The following CEP350 variants were observed in gnomAD, a reference collection of about 807,000 sequenced individuals.
CEP350 encodes centrosomal protein 350.
CEP350 carries 126 observed loss-of-function variants against 331.8 expected under a neutral mutation model. The ratio of observed to expected loss-of-function variants is 0.38; its 90% CI spans 0.33 to 0.44. The LOEUF (loss-of-function observed/expected upper bound fraction) is 0.44. Ranked by LOEUF, CEP350 falls within the 20% of genes least tolerant of loss-of-function variation. CEP350 has a pLI of 1.00. For missense variants in CEP350, 3,406 were observed against 3,634.6 expected, an observed-to-expected ratio of 0.94 and a Z score of 1.62; for synonymous variants, 1,200 against 1,259.5, an observed-to-expected ratio of 0.95 and a Z score of 1.00.
chr1:180,094,321 A>G lies in CEP350; in HGVS notation c.8216A>G (p.Asn2739Ser), dbSNP rs371304521. ...QLEAQLKSSLNEEKKSKQQLE... is the reference protein window; with the variant it reads ...QLEAQLKSSLSEEKKSKQQLE... ...GAAGCCCAGCTGAAGTCATCACTAAATGAGGAAAAAAAGTCAAAACAACAA... is the reference window on the plus strand; with the variant it reads ...GAAGCCCAGCTGAAGTCATCACTAAGTGAGGAAAAAAAGTCAAAACAACAA... The change falls in exon 34 of 38, where the codon AAT (asparagine) becomes AGT (serine). Residue 2739 changes from asparagine to serine, a missense_variant. This residue lies in a region of CEP350 where 1,415 missense variants were observed against 1,512.3 expected (regional missense o/e 0.94). Transcript: ENST00000367607. The G allele has an allele frequency of 9.9e-5, 159 of 1,613,868 alleles. No homozygotes were observed. Among genetic ancestry groups the G allele is most frequent in the Non-Finnish European group, 1.3e-4 (151 of 1,179,882 alleles).
Position 179,954,974 on chromosome 1 carries a change from G to A in CEP350, c.-182G>A, listed in dbSNP as rs1571760868. The A allele has an allele frequency of 7.4e-6, 9 of 1,208,410 alleles. No homozygotes were observed. Among genetic ancestry groups the A allele is most frequent in the Non-Finnish European group, 1.1e-6 (1 of 938,790 alleles). 74.9% of individuals were successfully genotyped at this position (1,208,410 alleles called of 1,614,324 possible). A position where few individuals can be genotyped will look rare whatever the true frequency, so the allele number is the denominator to read the frequency against. On this transcript the variant is annotated 5_prime_UTR_variant, in exon 1 of 38. Transcript: ENST00000367607. ...CCTTTCCGCCTTGTCTTCCTTCCCAGCGGACCGGCGGATCCCCGGAGCCGG... is the reference window on the plus strand; with the variant it reads ...CCTTTCCGCCTTGTCTTCCTTCCCAACGGACCGGCGGATCCCCGGAGCCGG...
intron 11 of CEP350, among the ~76,000 whole-genome samples, chr1:180,018,596 CA>C (rs1234361481): frequency 1.3e-5 from 2 of 152,150 alleles, no homozygotes; most frequent in African/African-American, 4.8e-5. Context: ...ACATGCTTTT[CA>C]ACTTATTATT....
At chr1:180,099,219 A>T (rs1660655945) in intron 37 of CEP350, among the ~76,000 whole-genome samples, 2 of 152,172 alleles carry the variant, frequency 1.3e-5, no homozygotes, top group Admixed American at 6.5e-5. Context: ...TGAGAAATTT[A>T]CTCAAATGGA....
At chr1:180,074,629 C>T (rs932143205) in intron 27 of CEP350, among the ~76,000 whole-genome samples, 3 of 152,038 alleles carry the variant, frequency 2.0e-5, no homozygotes, top group African/African-American at 4.8e-5. Flanking sequence ...TTTGTTGTTT[C>T]GGGTTTTGTG....
chr1:180,097,016 T>C (rs1383357766), intron 36 of CEP350, among the ~76,000 whole-genome samples: 4 of 150,848 alleles, frequency 2.7e-5, no homozygotes, highest in Non-Finnish European at 5.9e-5. Context: ...AGGACCACGC[T>C]GAGTAGCAAA....
chr1:180,088,925 C>T (rs1444033055), intron 32 of CEP350, among the ~76,000 whole-genome samples: 1 of 152,210 alleles, frequency 6.6e-6, no homozygotes, highest in East Asian at 1.9e-4. Flanking sequence ...TCATACCCAA[C>T]TATCCCACAA....
intron 2 of CEP350, 61 bp downstream of exon 2, chr1:179,986,315 T>A: frequency 8.1e-7 from 1 of 1,241,350 alleles, no homozygotes; most frequent in Non-Finnish European, 1.1e-6. Context: ...GTATTAAATT[T>A]TGGTCTAATA....
rs958142042 is a variant in CEP350, at chr1:180,011,961, C to T, written c.1279C>T (p.Arg427Ter). 4 of 1,601,814 alleles carry T rather than the reference C, an allele frequency of 2.5e-6. No homozygotes were observed. The highest frequency in any genetic ancestry group is 2.6e-6 in the Non-Finnish European group (3 of 1,173,246). The stretch of plus-strand genomic sequence containing the variant: ...TCATCTTATAAGTACATCTTCTTGG[C>T]GAGATGGACAAAAATTAGTAAAGAA... ...SSHLISTSSW[R>*]DGQKLVKKIL... is the part of the protein sequence containing the mutation. Residue 427 changes from arginine to a stop codon, truncating the protein, a stop_gained, in exon 9 of 38, where the codon CGA (arginine) becomes TGA (stop). Transcript: ENST00000367607. LOFTEE classifies it high-confidence loss of function.
intron 7 of CEP350, among the ~76,000 whole-genome samples, chr1:180,004,877 T>TGGCTGGCTGGCTGGCTG (rs1558092840): frequency 9.6e-5 from 7 of 72,882 alleles, no homozygotes; most frequent in African/African-American, 3.6e-4. Flanking sequence ...CTGGCTGGCT[T>TGGCTGGCTGGCTGGCTG]GCTTGCTTGC....
At chr1:180,004,593 C>T (rs1425213182) in intron 7 of CEP350, among the ~76,000 whole-genome samples, 1 of 152,160 alleles carries the variant, frequency 6.6e-6, no homozygotes, top group East Asian at 1.9e-4. Flanking sequence ...TTCAATTTGT[C>T]TCCTCTCTTT....
Position 180,020,185 on chromosome 1 carries a change from C to G in CEP350, c.2411C>G (p.Ala804Gly). The G allele has an allele frequency of 1.2e-6, 2 of 1,614,006 alleles. No homozygotes were observed. Among genetic ancestry groups the G allele is most frequent in the Non-Finnish European group, 8.5e-7 (1 of 1,179,880 alleles). The change falls in exon 12 of 38, where the codon GCT becomes GGT. Residue 804 changes from alanine to glycine, a missense_variant. Physicochemically the swap from Ala to Gly is moderately conservative, Grantham distance 60. Coordinates refer to ENST00000367607, the MANE Select transcript of CEP350 (RefSeq NM_014810.5). ...FTPQPYVTSPAAYTDALLKPS... is the reference protein window; with the variant it reads ...FTPQPYVTSPGAYTDALLKPS... ...CCTCAACCATATGTGACCTCACCAG[C>G]TGCTTATACAGATGCCTTGTTAAAA...
intron 24 of CEP350, 36 bp from the exon 25 acceptor site, chr1:180,054,379 T>A (rs778994052): frequency 6.8e-7 from 1 of 1,470,112 alleles, no homozygotes; most frequent in African/African-American, 1.4e-5. Flanking sequence ...AGAAATTTAA[T>A]CAAATCTTTG....
chr1:180,041,100 T>C (rs775456231), intron 17 of CEP350, 38 bp from the exon 18 acceptor site: 2 of 1,454,158 alleles, frequency 1.4e-6, no homozygotes, highest in South Asian at 2.5e-5. Context: ...TAAAATAGTT[T>C]CGTATCTGAG....
At chr1:180,079,201 A>T (rs1304335594) in intron 29 of CEP350, among the ~76,000 whole-genome samples, 1 of 148,744 alleles carries the variant, frequency 6.7e-6, no homozygotes, top group African/African-American at 2.4e-5. Flanking sequence ...AGCTGGTAAA[A>T]ACTCAAGATA....
intron 33 of CEP350, among the ~76,000 whole-genome samples, chr1:180,092,094 G>T (rs1271559894): frequency 1.3e-5 from 2 of 151,854 alleles, no homozygotes; most frequent in Non-Finnish European, 2.9e-5. Flanking sequence ...TGGTTTGTTA[G>T]CTCACTATAT....
At chr1:180,083,907 G>A (rs2149095637) in intron 30 of CEP350, 111 bp from the exon 31 acceptor site, 2 of 514,056 alleles carry the variant, frequency 3.9e-6, no homozygotes, top group African/African-American at 2.0e-5. Flanking sequence ...TTAATTATTA[G>A]ATTGGCTTTA....
At chr1:180,034,547 A>G (rs1482006038) in intron 16 of CEP350, among the ~76,000 whole-genome samples, 1 of 151,076 alleles carries the variant, frequency 6.6e-6, no homozygotes, top group African/African-American at 2.4e-5. Flanking sequence ...TTCCAGCAGC[A>G]TGTGCTCACT....
Position 180,093,509 on chromosome 1 carries a change from G to A in CEP350, c.7404G>A (p.Lys2468=). ...LKSPTELMKS[K]ERSDVEHEQQ... ...CCCCTACTGAGCTGATGAAAAGTAA[G>A]GAGCGCAGTGATGTGGAGCATGAAC... The change falls in exon 34 of 38, where the codon AAG becomes AAA. Residue 2468 remains lysine, a synonymous_variant. Transcript: ENST00000367607. The A allele has an allele frequency of 6.2e-7, 1 of 1,612,616 alleles. No homozygotes were observed. Among genetic ancestry groups the A allele is most frequent in the South Asian group, 1.1e-5 (1 of 90,876 alleles).
chr1:179,971,055 G>A (rs1651415716), intron 1 of CEP350, among the ~76,000 whole-genome samples: 1 of 148,244 alleles, frequency 6.7e-6, no homozygotes, highest in African/African-American at 2.5e-5. Context: ...TTGAGACAGA[G>A]TCTTGCTCTG....
Sources: gnomAD v4.1 joint callset for allele counts (sites outside exome capture counted in the v4.1 genomes callset) on GRCh38, gnomAD v4.1.1 for gene constraint, gnomAD v4.1.1 regional missense constraint, MANE v1.5 for transcripts, NCBI Gene and HGNC (gene_info 2026-07-23, HGNC 2026-07-21) for gene names.